Variants in NBAS observed in about 807,000 individuals in gnomAD.
The protein encoded by NBAS is NAG/BC035112 fusion.
Under a neutral mutation model 302.5 loss-of-function variants are expected in NBAS, and 219 were observed. That is an observed-to-expected ratio of 0.72 (90% CI 0.65 to 0.81). The LOEUF is 0.81. Among genes scored for constraint, NBAS ranks in the 30% least tolerant of loss-of-function variants. The pLI is 0.00. For synonymous variants in NBAS, 1,118 were observed against 1,021.6 expected, an observed-to-expected ratio of 1.09 and a Z score of -1.80; for missense variants, 2,932 against 2,841.6, an observed-to-expected ratio of 1.03 and a Z score of -0.72.
intron 48 of NBAS, among the ~76,000 whole-genome samples, chr2:15,193,545 A>C (rs777531405): frequency 6.6e-6 from 1 of 152,162 alleles, no homozygotes; most frequent in South Asian, 2.1e-4. Flanking sequence ...AATATCTAAA[A>C]AACGAATGTT....
intron 44 of NBAS, among the ~76,000 whole-genome samples, chr2:15,263,149 A>G (rs1185171319): frequency 6.6e-6 from 1 of 152,138 alleles, no homozygotes; most frequent in African/African-American, 2.4e-5. Context: ...AGATATATGT[A>G]TCTTTTCTTG....
the NBAS span, among the ~76,000 whole-genome samples, chr2:15,143,661 AAT>A: frequency 1.3e-5 from 2 of 152,080 alleles, no homozygotes; most frequent in Non-Finnish European, 2.9e-5. Flanking sequence ...GATGGTTAAT[AAT>A]GAGTGTCAAC....
chr2:15,040,448 G>A, the NBAS span, among the ~76,000 whole-genome samples: 1 of 152,206 alleles, frequency 6.6e-6, no homozygotes, highest in Admixed American at 6.5e-5. Flanking sequence ...GACCTGCCCA[G>A]GCACGACCAC....
intron 48 of NBAS, among the ~76,000 whole-genome samples, chr2:15,198,176 G>A (rs1665705826): frequency 6.6e-6 from 1 of 152,170 alleles, no homozygotes; most frequent in Admixed American, 6.5e-5. Context: ...TAGCTCTACA[G>A]TAAATATTTG....
At chr2:15,530,731 A>G (rs1353660975) in intron 9 of NBAS, among the ~76,000 whole-genome samples, 1 of 86,252 alleles carries the variant, frequency 1.2e-5, no homozygotes, top group Non-Finnish European at 2.8e-5. Context: ...CCAGAGAATT[A>G]AAAGAAAAAA....
At chr2:15,048,897 G>A in the NBAS span, among the ~76,000 whole-genome samples, 2 of 152,220 alleles carry the variant, frequency 1.3e-5, no homozygotes, top group Admixed American at 6.5e-5. Flanking sequence ...AGGCACTGTG[G>A]TCAGTGTGTG....
chr2:15,434,674 CAACTT>C (rs532545806), intron 21 of NBAS, among the ~76,000 whole-genome samples: 214 of 152,178 alleles, frequency 1.4e-3, no homozygotes, highest in African/African-American at 4.9e-3. Flanking sequence ...AATAGGGACT[CAACTT>C]AAAATTGATT....
the NBAS span, among the ~76,000 whole-genome samples, chr2:14,827,486 C>T: frequency 6.6e-6 from 1 of 152,128 alleles, no homozygotes; most frequent in Non-Finnish European, 1.5e-5. Context: ...CTGTCATGAA[C>T]ATGAGAGTGC....
At chr2:15,355,985 A>G (rs1476116703) in intron 33 of NBAS, among the ~76,000 whole-genome samples, 1 of 152,178 alleles carries the variant, frequency 6.6e-6, no homozygotes, top group Non-Finnish European at 1.5e-5. Context: ...AAAAATTTAA[A>G]TTTTCTCTTA....
intron 9 of NBAS, among the ~76,000 whole-genome samples, chr2:15,519,952 A>ATTAATTATTATG (rs1458213926): frequency 1.6e-4 from 24 of 152,346 alleles, no homozygotes; most frequent in South Asian, 2.1e-4. Context: ...ATATTGAATG[A>ATTAATTATTATG]TTAATTATTA....
the NBAS span, among the ~76,000 whole-genome samples, chr2:15,035,387 T>G: frequency 6.6e-6 from 1 of 152,178 alleles, no homozygotes; most frequent in Non-Finnish European, 1.5e-5. Context: ...TTCTTAGTGT[T>G]GGTGGGAACG....
At chr2:15,244,380 G>A (rs1426351518) in intron 44 of NBAS, among the ~76,000 whole-genome samples, 1 of 151,960 alleles carries the variant, frequency 6.6e-6, no homozygotes, top group Admixed American at 6.5e-5. Flanking sequence ...GAAGAAACTG[G>A]GGTCATGGAG....
chr2:15,026,941 A>G, the NBAS span, among the ~76,000 whole-genome samples: 1 of 152,002 alleles, frequency 6.6e-6, no homozygotes, highest in Admixed American at 6.6e-5. Context: ...TGAGTTCTCT[A>G]TTTTGTGTCT....
In NBAS at chr2:15,403,864, C is replaced by CGTGTGTGTGT. The variant is rs10624311; in HGVS notation, c.2938-1573_2938-1564dup. ...TTTCCTGATTTATTTTTCCTTCCTT[C>CGTGTGTGTGT]GTGTGTGTGTGTGTGTGTGTGTGTG... On this transcript the variant is annotated intron_variant, in intron 25 of 51. Transcript: ENST00000281513. Among the ~76,000 whole-genome samples the CGTGTGTGTGT allele has an allele frequency of 8.8e-3, 1,187 of 135,420 alleles. 11 individuals carry two copies. The highest frequency in any genetic ancestry group is 0.015 in the African/African-American group (536 of 35,710). 88.8% of individuals were successfully genotyped at this position (135,420 alleles called of 152,430 possible). A position where few individuals can be genotyped will look rare whatever the true frequency, so the allele number is the denominator to read the frequency against.
chr2:15,327,678 T>C (rs946714174), intron 38 of NBAS, 72 bp downstream of exon 38: 10 of 1,584,136 alleles, frequency 6.3e-6, no homozygotes, highest in Admixed American at 1.7e-5. Context: ...CTCTTGTTCA[T>C]TCACAAATTT....
intron 36 of NBAS, 147 bp from the exon 37 acceptor site, chr2:15,328,459 G>A (rs780451782): frequency 2.6e-5 from 18 of 697,008 alleles, no homozygotes; most frequent in African/African-American, 3.6e-5. Context: ...CATTTCCCAC[G>A]ACCTAAAAAG....
At chr2:15,286,004 T>C (rs942558218) in intron 42 of NBAS, among the ~76,000 whole-genome samples, 9 of 152,164 alleles carry the variant, frequency 5.9e-5, no homozygotes, top group East Asian at 1.9e-4. Flanking sequence ...CCTTACTTCA[T>C]TGGGTGCTTC....
chr2:15,020,521 C>T, the NBAS span, among the ~76,000 whole-genome samples: 1 of 152,080 alleles, frequency 6.6e-6, no homozygotes, highest in African/African-American at 2.4e-5. Context: ...GGCTCAAGAT[C>T]CCAAAGGAAG....
chr2:15,534,576 C>T lies in NBAS; in HGVS notation c.713G>A (p.Gly238Glu), dbSNP rs1008768675. Residue 238 changes from glycine to glutamate, a missense_variant, in exon 9 of 52, where the codon GGA (glycine) becomes GAA (glutamate). Transcript: ENST00000281513. Reference sequence around the variant, plus strand: ...AGGGTGGTAAATAGCTGTGTTGATTCCATGAGGATAATGACTACTGAAGCT... The same window carrying T: ...AGGGTGGTAAATAGCTGTGTTGATTTCATGAGGATAATGACTACTGAAGCT... Reference protein sequence around the residue: ...CFSFSSHYPHGINTAIYHPGH... With the variant: ...CFSFSSHYPHEINTAIYHPGH... The T allele has an allele frequency of 6.2e-7, 1 of 1,613,442 alleles. No homozygotes were observed. Among genetic ancestry groups the T allele is most frequent in the Non-Finnish European group, 8.5e-7 (1 of 1,179,560 alleles).
Sources: gnomAD v4.1 joint callset for allele counts (sites outside exome capture counted in the v4.1 genomes callset) on GRCh38, gnomAD v4.1.1 for gene constraint, MANE v1.5 for transcripts, NCBI Gene and HGNC (gene_info 2026-07-23, HGNC 2026-07-21) for gene names.